The following AKAP6 variants were observed in gnomAD, a reference collection of about 807,000 sequenced individuals.
AKAP6 encodes A-kinase anchor protein 6.
AKAP6 carries 58 observed loss-of-function variants against 188.5 expected under a neutral mutation model. The ratio of observed to expected loss-of-function variants is 0.31; its 90% CI spans 0.25 to 0.38. The LOEUF is 0.38. Ranked by LOEUF, AKAP6 falls within the 10% of genes least tolerant of loss-of-function variation. AKAP6 has a pLI of 1.00. For missense variants in AKAP6, 2,710 were observed against 2,740.0 expected (o/e 0.99, Z 0.24); for synonymous variants, 989 against 998.6 (o/e 0.99, Z 0.18).
chr14:32,550,191 C>T (rs1883391838), intron 4 of AKAP6, among the ~76,000 whole-genome samples: 1 of 152,162 alleles, frequency 6.6e-6, no homozygotes, highest in Admixed American at 6.5e-5. Flanking sequence ...CACAGTTCTA[C>T]AAAAATGCAG....
chr14:32,698,007 C>T (rs1376172546), intron 9 of AKAP6, among the ~76,000 whole-genome samples: 1 of 152,086 alleles, frequency 6.6e-6, no homozygotes, highest in African/African-American at 2.4e-5. Flanking sequence ...CTCATTAGAC[C>T]AGCACTAACT....
rs974892064 is a variant in AKAP6 at position 32,474,799 on chromosome 14, C to G, written c.324+40982C>G. Among the ~76,000 whole-genome samples, 2 of 152,254 alleles carry G rather than the reference C, an allele frequency of 1.3e-5. 1 individual carries two copies. The highest frequency in any genetic ancestry group is 2.9e-5 in the Non-Finnish European group (2 of 68,012). On this transcript the variant is annotated intron_variant, in intron 2 of 13. Coordinates refer to ENST00000280979, the MANE Select transcript of AKAP6 (RefSeq NM_004274.5). The stretch of plus-strand genomic sequence containing the variant: ...CATTTTCCAAAATTTGTTCTGATTC[C>G]AGATTTCTCTGTTAAATTTCTATAA...
At position 32,720,450 on chromosome 14, in the gene AKAP6, ATAG is replaced by A. The variant is rs1287136641; in HGVS notation, c.3001-11999_3001-11997del. On this transcript the variant is annotated intron_variant, in intron 9 of 13. Coordinates refer to ENST00000280979, the MANE Select transcript of AKAP6 (RefSeq NM_004274.5). ...AGATGGTCAATCAAGTTTTAGGCAA[ATAG>A]TAGTCTGTCCACACAAGAGGTCATG... Among the ~76,000 whole-genome samples, 4 of 152,338 alleles carry A rather than the reference ATAG, an allele frequency of 2.6e-5. No individual in the cohort carries two copies. In the East Asian group the frequency reaches 7.7e-4, roughly 29 times the overall value.
intron 4 of AKAP6, among the ~76,000 whole-genome samples, chr14:32,574,072 T>C (rs1884617255): frequency 6.6e-6 from 1 of 152,196 alleles, no homozygotes; most frequent in African/African-American, 2.4e-5. Context: ...TTTCTGTTTA[T>C]ATTCTTGAGG....
At chr14:32,796,410 C>G (rs1032688528) in intron 12 of AKAP6, among the ~76,000 whole-genome samples, 1 of 152,128 alleles carries the variant, frequency 6.6e-6, no homozygotes, top group African/African-American at 2.4e-5. Flanking sequence ...AAACAGCATG[C>G]ATGGTACTGG....
At chr14:32,661,032 T>A (rs1888676931) in intron 7 of AKAP6, among the ~76,000 whole-genome samples, 1 of 149,976 alleles carries the variant, frequency 6.7e-6, no homozygotes, top group Non-Finnish European at 1.5e-5. Context: ...CCTCTCTATC[T>A]TTCAAGACTC....
chr14:32,589,336 C>G (rs571843185), intron 5 of AKAP6, among the ~76,000 whole-genome samples: 1 of 152,324 alleles, frequency 6.6e-6, no homozygotes, highest in African/African-American at 2.4e-5. Flanking sequence ...GGCAACATTA[C>G]TTCTCTTTGG....
chr14:32,616,397 A>C (rs753556829), intron 7 of AKAP6, among the ~76,000 whole-genome samples: 13 of 152,246 alleles, frequency 8.5e-5, no homozygotes, highest in African/African-American at 3.1e-4. Flanking sequence ...TGTGGCACAT[A>C]AACACCATGG....
chr14:32,735,858 T>G lies in AKAP6; in HGVS notation c.3348T>G (p.Thr1116=), dbSNP rs774507932. Residue 1116 remains threonine (T), a synonymous_variant, in exon 11 of 14, where the codon ACT becomes ACG. Transcript: ENST00000280979. ...AAGAAAAGGAAGGAACAATGAATACTGAGAAACAACTGCAATACTTTAAGG... is the reference window on the plus strand; with the variant it reads ...AAGAAAAGGAAGGAACAATGAATACGGAGAAACAACTGCAATACTTTAAGG... ...LRQEKEGTMN[T]EKQLQYFKSL... is the part of the protein sequence containing the mutation. The G allele has an allele frequency of 6.2e-7, 1 of 1,609,472 alleles. No homozygotes were observed. Among genetic ancestry groups the G allele is most frequent in the African/African-American group, 1.3e-5 (1 of 74,548 alleles).
intron 7 of AKAP6, among the ~76,000 whole-genome samples, chr14:32,640,335 C>G (rs773200907): frequency 6.6e-5 from 10 of 152,042 alleles, no homozygotes; most frequent in African/African-American, 1.2e-4. Flanking sequence ...TCTCAACTCA[C>G]TATATTAAAT....
At chr14:32,665,116 G>T (rs1227294420) in intron 7 of AKAP6, among the ~76,000 whole-genome samples, 5 of 151,972 alleles carry the variant, frequency 3.3e-5, no homozygotes, top group Non-Finnish European at 5.9e-5. Context: ...CATATTTGGG[G>T]GTGGGGAGAG....
At chr14:32,811,077 A>G (rs1055636824) in intron 12 of AKAP6, among the ~76,000 whole-genome samples, 1 of 151,792 alleles carries the variant, frequency 6.6e-6, no homozygotes. Context: ...GTCTCTACTA[A>G]AAATACAAAA....
At chr14:32,748,106 A>G (rs2031984773) in intron 11 of AKAP6, among the ~76,000 whole-genome samples, 1 of 152,198 alleles carries the variant, frequency 6.6e-6, no homozygotes, top group South Asian at 2.1e-4. Flanking sequence ...GATCTCTTAA[A>G]TTACTTAAAT....
intron 7 of AKAP6, among the ~76,000 whole-genome samples, chr14:32,647,080 A>G (rs1405816259): frequency 6.6e-6 from 1 of 152,164 alleles, no homozygotes; most frequent in Admixed American, 6.6e-5. Context: ...AAGTAAATTT[A>G]TGGTAGAACC....
Position 32,545,596 on chromosome 14 carries a change from G to A in AKAP6, c.943G>A (p.Val315Ile). Residue 315 changes from valine (V) to isoleucine (I), a missense_variant, in exon 4 of 14, where the codon GTC becomes ATC. By Grantham distance (29) the Val-to-Ile change is conservative (BLOSUM62 3). Transcript: ENST00000280979. Reference protein sequence around the residue: ...GGCEEDNASAVEEQPGLTLGV... With the variant: ...GGCEEDNASAIEEQPGLTLGV... ...ATGTGAGGAAGACAATGCTTCTGCAGTCGAAGAGCAACCAGGCTTAACACT... is the reference window on the plus strand; with the variant it reads ...ATGTGAGGAAGACAATGCTTCTGCAATCGAAGAGCAACCAGGCTTAACACT... 1 of 1,614,216 alleles carries A rather than the reference G, an allele frequency of 6.2e-7. No homozygotes were observed. Among genetic ancestry groups the A allele is most frequent in the Non-Finnish European group, 8.5e-7 (1 of 1,180,022 alleles).
intron 4 of AKAP6, among the ~76,000 whole-genome samples, chr14:32,555,654 T>G (rs983823023): frequency 6.6e-6 from 1 of 152,150 alleles, no homozygotes; most frequent in African/African-American, 2.4e-5. Context: ...TCTCCATAAT[T>G]TTGACTGTTC....
chr14:32,511,720 C>T (rs1002818208), intron 2 of AKAP6, among the ~76,000 whole-genome samples: 3 of 152,066 alleles, frequency 2.0e-5, no homozygotes, highest in African/African-American at 7.2e-5. Context: ...TTTGTTCGGC[C>T]GTCTACTTTT....
At chr14:32,462,762 A>G (rs1236759954) in intron 2 of AKAP6, among the ~76,000 whole-genome samples, 3 of 152,156 alleles carry the variant, frequency 2.0e-5, no homozygotes, top group Non-Finnish European at 4.4e-5. Flanking sequence ...AAATGCCCCA[A>G]TTAAAAGACA....
intron 7 of AKAP6, among the ~76,000 whole-genome samples, chr14:32,632,856 A>G (rs914991576): frequency 6.6e-6 from 1 of 152,132 alleles, no homozygotes; most frequent in East Asian, 1.9e-4. Flanking sequence ...AATCATTTGC[A>G]TATTTGGGGG....
Sources: gnomAD v4.1 joint callset for allele counts (sites outside exome capture counted in the v4.1 genomes callset) on GRCh38, gnomAD v4.1.1 for gene constraint, MANE v1.5 for transcripts, NCBI Gene and HGNC (gene_info 2026-07-23, HGNC 2026-07-21) for gene names.